The following GUF1 variants were observed in gnomAD, a reference collection of about 807,000 sequenced individuals.
The protein encoded by GUF1 is GTP binding elongation factor GUF1.
Under a neutral mutation model 82.4 loss-of-function variants are expected in GUF1, and 78 were observed. That is an observed-to-expected ratio of 0.95 (90% CI 0.79 to 1.14). The LOEUF (loss-of-function observed/expected upper bound fraction) is 1.14, where lower values mean the gene tolerates loss of function less well. Among genes scored for constraint, GUF1 ranks in the 50% most tolerant of loss-of-function variants. GUF1 has a pLI of 0.00. For synonymous variants in GUF1, 279 were observed against 282.3 expected (o/e 0.99, Z 0.12); for missense variants, 814 against 798.2 (o/e 1.02, Z -0.24).
intron 5 of GUF1, among the ~76,000 whole-genome samples, 197 bp from the exon 6 acceptor site, chr4:44,683,038 T>C (rs906760658): frequency 6.6e-6 from 1 of 152,062 alleles, no homozygotes. Flanking sequence ...CAAGCTCTGC[T>C]ACTTAACTTC....
chr4:44,682,082 C>T, intron 4 of GUF1: 1 of 281,896 alleles, frequency 3.5e-6, no homozygotes, highest in Non-Finnish European at 6.6e-6. Flanking sequence ...CTATCTCAAG[C>T]TTAGTAGACT....
intron 13 of GUF1, among the ~76,000 whole-genome samples, chr4:44,693,449 G>A (rs1489280387): frequency 6.6e-6 from 1 of 151,984 alleles, no homozygotes; most frequent in South Asian, 2.1e-4. Context: ...TTTGTATTCT[G>A]TATGATACTT....
At chr4:44,690,005 A>G in intron 11 of GUF1, 30 bp downstream of exon 11, 1 of 1,509,674 alleles carries the variant, frequency 6.6e-7, no homozygotes, top group Non-Finnish European at 9.0e-7. Flanking sequence ...GGTATTTAGT[A>G]CTGTTTTGCA....
At chr4:44,693,098 C>T (rs1012314826) in intron 13 of GUF1, among the ~76,000 whole-genome samples, 1 of 151,956 alleles carries the variant, frequency 6.6e-6, no homozygotes, top group Non-Finnish European at 1.5e-5. Context: ...TTTACATAGG[C>T]AGTCAATTCC....
chr4:44,691,367 CTTAACTT>C (rs1397907452), intron 12 of GUF1, among the ~76,000 whole-genome samples: 9 of 151,656 alleles, frequency 5.9e-5, no homozygotes, highest in African/African-American at 2.2e-4. Flanking sequence ...TAATCTTGGT[CTTAACTT>C]TTAATTTCTC....
Position 44,685,978 on chromosome 4 carries a change from C to A in GUF1, c.689C>A (p.Thr230Lys), listed in dbSNP as rs757598628. ...ECIKISAKLG[T>K]NVESVLQAII... Reference sequence around the variant, plus strand: ...TTTTAGATTTCTGCTAAACTTGGAACAAATGTTGAGAGTGTTCTTCAGGCA... The same window carrying A: ...TTTTAGATTTCTGCTAAACTTGGAAAAAATGTTGAGAGTGTTCTTCAGGCA... Residue 230 changes from threonine (T) to lysine (K), a missense_variant, in exon 7 of 17, where the codon ACA becomes AAA. Thr to Lys is a moderately conservative substitution (Grantham distance 78). Coordinates refer to ENST00000281543, the MANE Select transcript of GUF1 (RefSeq NM_021927.3). 4 of 1,605,364 alleles carry A rather than the reference C, an allele frequency of 2.5e-6. No individual in the cohort carries two copies. Among genetic ancestry groups the A allele is most frequent in the African/African-American group, 2.7e-5 (2 of 74,652 alleles).
At position 44,686,648 on chromosome 4, in the gene GUF1, T is replaced by A; in HGVS notation, c.873T>A (p.Thr291=). ...GAGATAAAATTGTATCTGCACATAC[T>A]CAAAAGACATACGAAGTTAATGAAG... is the stretch of plus-strand genomic sequence containing the variant. ...SKGDKIVSAH[T]QKTYEVNEVG... is the part of the protein sequence containing the mutation. Residue 291 remains threonine, a synonymous_variant, in exon 8 of 17, where the codon ACT becomes ACA. Coordinates refer to ENST00000281543, the MANE Select transcript of GUF1 (RefSeq NM_021927.3). The A allele has an allele frequency of 6.2e-7, 1 of 1,611,942 alleles. No individual in the cohort carries two copies. Among genetic ancestry groups the A allele is most frequent in the Non-Finnish European group, 8.5e-7 (1 of 1,178,398 alleles).
At chr4:44,690,548 C>T (rs944103720) in intron 11 of GUF1, among the ~76,000 whole-genome samples, 169 bp from the exon 12 acceptor site, 8 of 151,528 alleles carry the variant, frequency 5.3e-5, no homozygotes, top group Non-Finnish European at 1.2e-4. Flanking sequence ...TCTAAATGGT[C>T]CATGAAATAT....
At chr4:44,679,108 T>A (rs916047985) in intron 1 of GUF1, among the ~76,000 whole-genome samples, 1 of 152,228 alleles carries the variant, frequency 6.6e-6, no homozygotes. Context: ...AGCAAGTTGC[T>A]AGTAAATATT....
At chr4:44,687,226 AGG>A (rs777152729) in intron 8 of GUF1, among the ~76,000 whole-genome samples, 19 of 151,988 alleles carry the variant, frequency 1.3e-4, no homozygotes, top group Admixed American at 5.9e-4. Flanking sequence ...ACTCCGTATC[AGG>A]TACTGATGAG....
rs1347234572 is a variant in GUF1, at chr4:44,690,831, T to G, written c.1450T>G (p.Tyr484Asp). ...VLGTIITPDE[Y>D]TGKIMMLCEA... The stretch of plus-strand genomic sequence containing the variant: ...GGGCACTATTATCACACCAGATGAA[T>G]ACACTGGAAAAATAATGATGCTTTG... Residue 484 changes from tyrosine (Y) to aspartate (D), a missense_variant, in exon 12 of 17, where the codon TAC (tyrosine) becomes GAC (aspartate). By Grantham distance (160) the Tyr-to-Asp change is radical. Coordinates refer to ENST00000281543, the MANE Select transcript of GUF1 (RefSeq NM_021927.3). The G allele has an allele frequency of 3.1e-6, 5 of 1,596,136 alleles. No homozygotes were observed. The highest frequency in any genetic ancestry group is 4.3e-6 in the Non-Finnish European group (5 of 1,170,434).
At chr4:44,685,876 C>A in intron 6 of GUF1, 83 bp from the exon 7 acceptor site, 3 of 864,962 alleles carry the variant, frequency 3.5e-6, no homozygotes, top group Non-Finnish European at 5.5e-6. Context: ...TTTTTTCCTT[C>A]TGATCATAAG....
At position 44,698,886 on chromosome 4, in the gene GUF1, A is replaced by T; in HGVS notation, c.*205A>T. ...TCTCAAATATCTGTTCCAACCACTC[A>T]CTAGTAAGGTGACCGTGGCCAGATT... On this transcript the variant is annotated 3_prime_UTR_variant, in exon 17 of 17. Coordinates refer to ENST00000281543, the MANE Select transcript of GUF1 (RefSeq NM_021927.3). 1 of 478,870 alleles carries T rather than the reference A, an allele frequency of 2.1e-6. No homozygotes were observed. Among genetic ancestry groups the T allele is most frequent in the East Asian group, 3.7e-5 (1 of 27,130 alleles). The allele number at this position is 478,870 out of a possible 1,614,324, so 29.7% of individuals were successfully genotyped here.
chr4:44,693,264 T>C (rs1358769414), intron 13 of GUF1, among the ~76,000 whole-genome samples: 1 of 152,050 alleles, frequency 6.6e-6, no homozygotes, highest in Non-Finnish European at 1.5e-5. Flanking sequence ...ATGTTTTCAA[T>C]AGAGGTTAGG....
intron 1 of GUF1, among the ~76,000 whole-genome samples, chr4:44,679,337 C>T (rs1714632211): frequency 6.6e-6 from 1 of 152,176 alleles, no homozygotes; most frequent in Admixed American, 6.5e-5. Flanking sequence ...CATTCTACCT[C>T]AGCCAGAGCA....
At chr4:44,697,294 G>C in intron 15 of GUF1, 114 bp from the exon 16 acceptor site, 1 of 519,552 alleles carries the variant, frequency 1.9e-6, no homozygotes, top group East Asian at 3.1e-5. Context: ...TTTTACATAG[G>C]TAATGATACT....
intron 9 of GUF1, among the ~76,000 whole-genome samples, chr4:44,688,384 A>G (rs1013384565): frequency 3.3e-5 from 5 of 151,952 alleles, no homozygotes; most frequent in African/African-American, 7.2e-5. Flanking sequence ...GCTGTGATAT[A>G]TAGGATACAG....
At position 44,686,569 on chromosome 4, in the gene GUF1, A is replaced by G. The variant is rs1265991798; in HGVS notation, c.794A>G (p.Gln265Arg). 1.9e-6 allele frequency: 3 copies of G among 1,612,328 alleles called. No homozygotes were observed. Among genetic ancestry groups the G allele is most frequent in the African/African-American group, 1.3e-5 (1 of 74,952 alleles). Residue 265 changes from glutamine to arginine, a missense_variant, in exon 8 of 17, where the codon CAG becomes CGG. Physicochemically the swap from Gln to Arg is conservative, Grantham distance 43. Transcript: ENST00000281543. ...RALVFDSTFD[Q>R]YRGVIANVAL... is the part of the protein sequence containing the mutation. ...TTGGTATTTGACTCCACCTTTGACCAGTATAGAGGTGTGATAGCCAATGTA... is the reference window on the plus strand; with the variant it reads ...TTGGTATTTGACTCCACCTTTGACCGGTATAGAGGTGTGATAGCCAATGTA...
Position 44,686,628 on chromosome 4 carries a change from A to G in GUF1, c.853A>G (p.Lys285Glu), listed in dbSNP as rs1415607344. 2 of 1,612,102 alleles carry G rather than the reference A, an allele frequency of 1.2e-6. No individual in the cohort carries two copies. The highest frequency in any genetic ancestry group is 1.7e-6 in the Non-Finnish European group (2 of 1,178,478). Residue 285 changes from lysine to glutamate, a missense_variant, in exon 8 of 17, where the codon AAA (lysine) becomes GAA (glutamate). By Grantham distance (56) the Lys-to-Glu change is moderately conservative. Transcript: ENST00000281543. ...LFDGVVSKGD[K>E]IVSAHTQKTY... The stretch of plus-strand genomic sequence containing the variant: ...TGACGGAGTGGTTTCCAAAGGAGAT[A>G]AAATTGTATCTGCACATACTCAAAA...
Sources: gnomAD v4.1 joint callset for allele counts (sites outside exome capture counted in the v4.1 genomes callset) on GRCh38, gnomAD v4.1.1 for gene constraint, MANE v1.5 for transcripts, NCBI Gene and HGNC (gene_info 2026-07-23, HGNC 2026-07-21) for gene names.